CMYA5: variants seen among roughly 807,000 people sequenced by gnomAD.
The protein encoded by CMYA5 is cardiomyopathy-associated protein 5.
A neutral mutation model predicts 318.9 loss-of-function variants in CMYA5; 246 were observed. The observed-to-expected ratio is 0.77, with a 90% CI of 0.70 to 0.86. CMYA5 has a LOEUF of 0.86. Ranked by LOEUF, CMYA5 falls within the 40% of genes least tolerant of loss-of-function variation. CMYA5 has a pLI of 0.00. For synonymous variants in CMYA5, 1,641 were observed against 1,729.5 expected (o/e 0.95, Z 1.27); for missense variants, 4,589 against 4,678.2 (o/e 0.98, Z 0.56).
At chr5:79,757,412 A>T (rs1828551831) in intron 6 of CMYA5, among the ~76,000 whole-genome samples, 2 of 152,194 alleles carry the variant, frequency 1.3e-5, no homozygotes, top group East Asian at 3.8e-4. Flanking sequence ...TGTCATTAAA[A>T]TTCAGAACAA....
chr5:79,748,743 C>T lies in CMYA5; in HGVS notation c.10991+1630C>T, dbSNP rs146823604. On this transcript the variant is annotated intron_variant, in intron 5 of 12. Transcript: ENST00000446378. ...ATTTTTAGTACAGATGGAGTTTTGT[C>T]ATGTTGCCCAGGCTGATCTTGAACT... Among the ~76,000 whole-genome samples, 531 of 151,754 alleles carry T rather than the reference C, an allele frequency of 3.5e-3. 1 individual carries two copies. Among genetic ancestry groups the T allele is most frequent in the African/African-American group, 0.012 (500 of 41,084 alleles).
At chr5:79,715,034 CTA>C (rs1827486036) in intron 1 of CMYA5, among the ~76,000 whole-genome samples, 3 of 152,148 alleles carry the variant, frequency 2.0e-5, no homozygotes, top group Admixed American at 6.5e-5. Context: ...TTAAGGGAGA[CTA>C]TGTAGATTAA....
At position 79,747,100 on chromosome 5, in the gene CMYA5, G is replaced by T. The variant is rs868553484; in HGVS notation, c.10978G>T (p.Glu3660Ter). The change falls in exon 5 of 13, where the codon GAA (glutamate) becomes TAA (stop). Residue 3660 changes from glutamate to a stop codon, truncating the protein, a stop_gained. Coordinates refer to ENST00000446378, the MANE Select transcript of CMYA5 (RefSeq NM_153610.5). LOFTEE classifies it high-confidence loss of function. ...TCTCTTTCTCCCTAAGTCGTTTGAG[G>T]AAATCAATGAAAGGTATATAAAACA... ...DEAVFLTSFEEINERLLSAME... is the reference protein window; with the variant it reads ...DEAVFLTSFE 6.5e-7 allele frequency: 1 copy of T among 1,537,880 alleles called. No individual in the cohort carries two copies. Among genetic ancestry groups the T allele is most frequent in the Non-Finnish European group, 8.8e-7 (1 of 1,135,810 alleles).
chr5:79,730,140 G>C lies in CMYA5; in HGVS notation c.1375G>C (p.Asp459His). 6.2e-7 allele frequency: 1 copy of C among 1,613,812 alleles called. No individual in the cohort carries two copies. The highest frequency in any genetic ancestry group is 8.5e-7 in the Non-Finnish European group (1 of 1,179,884). The change falls in exon 2 of 13, where the codon GAC becomes CAC. Residue 459 changes from aspartate to histidine, a missense_variant. Transcript: ENST00000446378. ...TTTGGACCCAGACCAAGAACAGCCG[G>C]ACCTGACTTCAATAGAAAGGGCAGA... Reference protein sequence around the residue: ...DGLDPDQEQPDLTSIERAEPV... With the variant: ...DGLDPDQEQPHLTSIERAEPV...
chr5:79,690,888 G>C (rs955909462), intron 1 of CMYA5, among the ~76,000 whole-genome samples: 1 of 152,150 alleles, frequency 6.6e-6, no homozygotes, highest in Non-Finnish European at 1.5e-5. Context: ...AGAACGCCCA[G>C]CTTACCTAAT....
intron 8 of CMYA5, 101 bp from the exon 9 acceptor site, chr5:79,762,961 A>G (rs1231689060): frequency 7.4e-7 from 1 of 1,352,966 alleles, no homozygotes; most frequent in African/African-American, 1.5e-5. Flanking sequence ...TGAAAAATTG[A>G]AAACAGAATC....
chr5:79,790,514 C>G (rs1291186455), intron 10 of CMYA5, among the ~76,000 whole-genome samples: 1 of 152,162 alleles, frequency 6.6e-6, no homozygotes, highest in Non-Finnish European at 1.5e-5. Flanking sequence ...TGTGATCTGC[C>G]CACCTTGGCC....
intron 1 of CMYA5, among the ~76,000 whole-genome samples, chr5:79,720,428 A>T (rs7735441): frequency 0.018 from 800 of 44,838 alleles, 77 homozygotes; most frequent in Middle Eastern, 0.043. Context: ...TGCCAATCTA[A>T]TTTTTTTTTT....
intron 1 of CMYA5, among the ~76,000 whole-genome samples, chr5:79,698,048 A>C (rs1827104133): frequency 6.6e-6 from 1 of 152,192 alleles, no homozygotes; most frequent in Non-Finnish European, 1.5e-5. Context: ...TCATGTAACA[A>C]ACTTGCAACA....
chr5:79,722,676 C>CAAAAAAAAA (rs1264491231), intron 1 of CMYA5, among the ~76,000 whole-genome samples: 1 of 73,610 alleles, frequency 1.4e-5, no homozygotes, highest in Admixed American at 1.6e-4. Context: ...GACTCTGTCT[C>CAAAAAAAAA]AAAAAAAAAA....
chr5:79,792,289 T>C (rs1829194303), intron 11 of CMYA5, among the ~76,000 whole-genome samples: 1 of 152,152 alleles, frequency 6.6e-6, no homozygotes, highest in Non-Finnish European at 1.5e-5. Flanking sequence ...GCCTGGAACA[T>C]TGCAGGGGCT....
intron 1 of CMYA5, among the ~76,000 whole-genome samples, chr5:79,692,058 T>C (rs182723732): frequency 6.6e-6 from 1 of 152,206 alleles, no homozygotes; most frequent in African/African-American, 2.4e-5. Flanking sequence ...GACCAAAGTT[T>C]TATCATGCAG....
In CMYA5 at chr5:79,745,376, A is replaced by C; in HGVS notation, c.10889A>C (p.Gln3630Pro). 1 of 1,614,002 alleles carries C rather than the reference A, an allele frequency of 6.2e-7. No homozygotes were observed. Among genetic ancestry groups the C allele is most frequent in the Non-Finnish European group, 8.5e-7 (1 of 1,179,866 alleles). ...FLHEQMVHFL[Q>P]SMDTAKDTLE... is the part of the protein sequence containing the mutation. Reference sequence around the variant, plus strand: ...CATGAGCAGATGGTCCACTTTCTGCAGAGCATGGACACTGCCAAAGACACC... The same window carrying C: ...CATGAGCAGATGGTCCACTTTCTGCCGAGCATGGACACTGCCAAAGACACC... The change falls in exon 4 of 13, where the codon CAG becomes CCG. Residue 3630 changes from glutamine to proline, a missense_variant. Physicochemically the swap from Gln to Pro is moderately conservative, Grantham distance 76. Coordinates refer to ENST00000446378, the MANE Select transcript of CMYA5 (RefSeq NM_153610.5).
intron 1 of CMYA5, among the ~76,000 whole-genome samples, chr5:79,702,905 C>A (rs914943105): frequency 2.0e-5 from 3 of 152,208 alleles, no homozygotes; most frequent in Non-Finnish European, 2.9e-5. Flanking sequence ...ACCCCTGCTA[C>A]TGCCAGAGAG....
In CMYA5 at chr5:79,690,152, G is replaced by A. The variant is rs370771900; in HGVS notation, c.149+96G>A. Reference sequence around the variant, plus strand: ...AGTTTTTAAGCTCTGGGGTTCGTTTGCCTCGAGCTAGGCACTTTCTCTCTG... The same window carrying A: ...AGTTTTTAAGCTCTGGGGTTCGTTTACCTCGAGCTAGGCACTTTCTCTCTG... On this transcript the variant is annotated intron_variant, in intron 1 of 12. Transcript: ENST00000446378. The A allele has an allele frequency of 5.9e-6, 8 of 1,360,026 alleles. No homozygotes were observed. The African/African-American group carries it at 7.7e-5, about 13-fold the overall frequency. The allele number at this position is 1,360,026 out of a possible 1,614,324, so 84.2% of individuals were successfully genotyped here. A position where few individuals can be genotyped will look rare whatever the true frequency, so the allele number is the denominator to read the frequency against.
At chr5:79,742,327 G>C (rs187718722) in intron 2 of CMYA5, among the ~76,000 whole-genome samples, 2 of 151,948 alleles carry the variant, frequency 1.3e-5, no homozygotes, top group Admixed American at 6.6e-5. Context: ...GCTGGGACTA[G>C]AGACACATGC....
chr5:79,772,491 A>G (rs1828873754), intron 9 of CMYA5, among the ~76,000 whole-genome samples: 1 of 152,140 alleles, frequency 6.6e-6, no homozygotes, highest in South Asian at 2.1e-4. Flanking sequence ...TGACTCTCCA[A>G]CCTCTGGATC....
intron 1 of CMYA5, among the ~76,000 whole-genome samples, chr5:79,705,981 C>G (rs913315869): frequency 3.3e-5 from 5 of 152,196 alleles, no homozygotes; most frequent in Non-Finnish European, 7.3e-5. Flanking sequence ...CCTTCCCCAT[C>G]ATCTACTAGT....
At chr5:79,777,413 C>T (rs1243037299) in intron 9 of CMYA5, among the ~76,000 whole-genome samples, 1 of 152,098 alleles carries the variant, frequency 6.6e-6, no homozygotes, top group Non-Finnish European at 1.5e-5. Flanking sequence ...ACTTTGCTTT[C>T]CTTGCTTAAA....
Sources: allele counts gnomAD v4.1 joint callset (sites outside exome capture counted in the v4.1 genomes callset), GRCh38; gene constraint gnomAD v4.1.1; transcripts MANE v1.5; gene names NCBI Gene and HGNC (gene_info 2026-07-23, HGNC 2026-07-21).